ZNF384: variants seen among roughly 807,000 people sequenced by gnomAD.
ZNF384 encodes the protein CAG repeat protein 1.
ZNF384 carries 20 observed loss-of-function variants against 65.0 expected under a neutral mutation model. The ratio of observed to expected loss-of-function variants is 0.31; its 90% CI spans 0.22 to 0.45. The LOEUF is 0.45. ZNF384 is among the 20% of genes least tolerant of loss of function. The pLI is 1.00. For missense variants in ZNF384, 549 were observed against 769.4 expected, an observed-to-expected ratio of 0.71 and a Z score of 3.39; for synonymous variants, 310 against 303.9, an observed-to-expected ratio of 1.02 and a Z score of -0.21.
chr12:6,670,871 G>A, intron 9 of ZNF384, 33 bp from the exon 10 acceptor site: 2 of 1,595,170 alleles, frequency 1.3e-6, no homozygotes, highest in Non-Finnish European at 1.7e-6. Context: ...GGGAAAGAAT[G>A]TCAGCAAGAC....
At chr12:6,679,263 G>A (rs1954951104) in intron 3 of ZNF384, 80 bp from the exon 4 acceptor site, 1 of 1,365,406 alleles carries the variant, frequency 7.3e-7, no homozygotes, top group Non-Finnish European at 1.0e-6. Context: ...ACACTTCAGT[G>A]TCTGTCCTCC....
At chr12:6,675,115 T>C (rs1952998545) in intron 7 of ZNF384, among the ~76,000 whole-genome samples, 1 of 152,236 alleles carries the variant, frequency 6.6e-6, no homozygotes, top group Admixed American at 6.5e-5. Flanking sequence ...ATAACCCACT[T>C]AGTCAAAGTT....
chr12:6,669,646 A>G (rs568856522), intron 10 of ZNF384, among the ~76,000 whole-genome samples: 3 of 151,964 alleles, frequency 2.0e-5, no homozygotes, highest in Admixed American at 6.6e-5. Context: ...CTACAGGCAC[A>G]TGCCACCAGG....
chr12:6,688,103 C>A (rs979947308), intron 2 of ZNF384, 64 bp downstream of exon 2: 2 of 152,640 alleles, frequency 1.3e-5, no homozygotes, highest in African/African-American at 4.8e-5. Flanking sequence ...CACACACGCC[C>A]CATTTGGTTG....
upstream of ZNF384, chr12:6,689,492 G>T (rs1207677096): frequency 6.6e-6 from 1 of 152,464 alleles, no homozygotes; most frequent in Non-Finnish European, 1.5e-5. Flanking sequence ...AACGAAAAGG[G>T]GGGAGGGAGG....
chr12:6,679,347 C>T (rs902922493), intron 3 of ZNF384, 108 bp downstream of exon 3: 3 of 1,271,312 alleles, frequency 2.4e-6, no homozygotes, highest in Middle Eastern at 1.9e-4. Context: ...CTAGATAATT[C>T]TCAGGGGTGG....
intron 7 of ZNF384, among the ~76,000 whole-genome samples, chr12:6,676,604 G>GCCCTAC (rs1478316310): frequency 1.3e-5 from 2 of 152,204 alleles, no homozygotes. Flanking sequence ...GCTCTATAGA[G>GCCCTAC]TGTTAAAGGA....
At chr12:6,676,184 C>T (rs1233307845) in intron 7 of ZNF384, among the ~76,000 whole-genome samples, 1 of 152,102 alleles carries the variant, frequency 6.6e-6, no homozygotes, top group Non-Finnish European at 1.5e-5. Flanking sequence ...CCTATAGTCC[C>T]AGCTACTCGG....
In ZNF384 at chr12:6,673,564, G is replaced by T; in HGVS notation, c.780-124C>A. 1 of 705,818 alleles carries T rather than the reference G, an allele frequency of 1.4e-6. No homozygotes were observed. Among genetic ancestry groups the T allele is most frequent in the Non-Finnish European group, 2.4e-6 (1 of 420,370 alleles). 43.7% of individuals were successfully genotyped at this position (705,818 alleles called of 1,614,324 possible). On this transcript the variant is annotated intron_variant, in intron 7 of 11. Coordinates refer to ENST00000683879, the MANE Select transcript of ZNF384 (RefSeq NM_001385745.1). This position sits in a 1 kb window ranked among gnomAD's most constrained non-coding sequence, Gnocchi z 4.7. ...TCTCCTACTCCAACTTGAGAGTAGA[G>T]CTCTATATATTCATCTTTATGGCCT...
Position 6,672,303 on chromosome 12 carries a change from A to G in ZNF384, c.1187+47T>C. 6.4e-7 allele frequency: 1 copy of G among 1,568,816 alleles called. No individual in the cohort carries two copies. On this transcript the variant is annotated intron_variant, in intron 9 of 11. Transcript: ENST00000683879. This position sits in a 1 kb window ranked among gnomAD's most constrained non-coding sequence, Gnocchi z 4.4. Reference sequence around the variant, plus strand: ...GTGTGTGTCCGGGGCGGGGGTGGGGAGGGCATGCCAGCGGGGCGGGGTCAG... The same window carrying G: ...GTGTGTGTCCGGGGCGGGGGTGGGGGGGGCATGCCAGCGGGGCGGGGTCAG...
Position 6,667,649 on chromosome 12 carries a change from A to G in ZNF384, c.*65T>C. ...AGGAAGAAAAGGACTTTTCCCACCAAGAGTTGGAGAAAGAAGACACCAGGA... is the reference window on the plus strand; with the variant it reads ...AGGAAGAAAAGGACTTTTCCCACCAGGAGTTGGAGAAAGAAGACACCAGGA... On this transcript the variant is annotated 3_prime_UTR_variant, in exon 12 of 12. Transcript: ENST00000683879. 2.5e-6 allele frequency: 4 copies of G among 1,607,758 alleles called. No homozygotes were observed. The South Asian group carries it at 4.4e-5, about 18-fold the overall frequency.
Position 6,666,759 on chromosome 12 carries a change from T to C in ZNF384, c.*955A>G, listed in dbSNP as rs1949880960. ...AAAATTCTCAGAGATAATGCATTTA[T>C]AAACACAGAAATGGTTACAACAAAG... On this transcript the variant is annotated 3_prime_UTR_variant, in exon 12 of 12. Transcript: ENST00000683879. The C allele has an allele frequency of 5.8e-6, 1 of 171,428 alleles. No individual in the cohort carries two copies. Among genetic ancestry groups the C allele is most frequent in the African/African-American group, 2.4e-5 (1 of 41,828 alleles). 10.6% of individuals were successfully genotyped at this position (171,428 alleles called of 1,614,324 possible).
Position 6,667,820 on chromosome 12 carries a change from T to G in ZNF384, c.1721A>C (p.Gln574Pro). Residue 574 changes from glutamine (Q) to proline (P), a missense_variant, in exon 12 of 12, where the codon CAG becomes CCG. Gln to Pro is a moderately conservative substitution (Grantham distance 76). Coordinates refer to ENST00000683879, the MANE Select transcript of ZNF384 (RefSeq NM_001385745.1). ...GGDSNPNPPPQCSFDLTPYKT... is the reference protein window; with the variant it reads ...GGDSNPNPPPPCSFDLTPYKT... ...ATACGGGGTCAGGTCAAAGGAACACTGGGGTGGAGGGTTGGGATTGCTGTC... is the reference window on the plus strand; with the variant it reads ...ATACGGGGTCAGGTCAAAGGAACACGGGGGTGGAGGGTTGGGATTGCTGTC... 3.1e-6 allele frequency: 5 copies of G among 1,614,168 alleles called. No homozygotes were observed. Among genetic ancestry groups the G allele is most frequent in the Middle Eastern group, 1.7e-4 (1 of 6,058 alleles).
At chr12:6,686,726 A>G (rs1436701922) in intron 2 of ZNF384, among the ~76,000 whole-genome samples, 1 of 152,226 alleles carries the variant, frequency 6.6e-6, no homozygotes, top group African/African-American at 2.4e-5. Context: ...CAGCACAAAA[A>G]AGAGAAAGAA....
At chr12:6,682,856 G>A (rs1027261543) in intron 2 of ZNF384, among the ~76,000 whole-genome samples, 1 of 152,044 alleles carries the variant, frequency 6.6e-6, no homozygotes, top group African/African-American at 2.4e-5. Context: ...ATTGAACAAC[G>A]GTAGACTACC....
In ZNF384 at chr12:6,673,424, G is replaced by A. The variant is rs1320998460; in HGVS notation, c.796C>T (p.Leu266=). Residue 266 remains leucine (L), a synonymous_variant, in exon 8 of 12, where the codon CTG becomes TTG. Transcript: ENST00000683879. This position sits in a 1 kb window ranked among gnomAD's most constrained non-coding sequence, Gnocchi z 4.7. ...ATCTCCGACTTGGAGTAGAATGTCA[G>A]TGAGCACATCCGGCACCTGAGCCAA... ...LCDPGCRMCS[L]TFYSKSEMQI... The A allele has an allele frequency of 6.2e-7, 1 of 1,614,054 alleles. No homozygotes were observed. The highest frequency in any genetic ancestry group is 8.5e-7 in the Non-Finnish European group (1 of 1,180,016).
rs560854840 is a variant in ZNF384, at chr12:6,672,807, C to T, written c.1005-275G>A. On this transcript the variant is annotated intron_variant, in intron 8 of 11. Coordinates refer to ENST00000683879, the MANE Select transcript of ZNF384 (RefSeq NM_001385745.1). This position sits in a 1 kb window ranked among gnomAD's most constrained non-coding sequence, Gnocchi z 4.4. ...TAAAGTAGTCAATCTCATCAACCCT[C>T]CGCTTTCTCCTAAGGTTAACACACT... is the stretch of plus-strand genomic sequence containing the variant. Among the ~76,000 whole-genome samples, 17 of 152,286 alleles carry T rather than the reference C, an allele frequency of 1.1e-4. No homozygotes were observed. Among genetic ancestry groups the T allele is most frequent in the African/African-American group, 3.9e-4 (16 of 41,558 alleles).
chr12:6,684,045 C>T (rs1957071713), intron 2 of ZNF384, among the ~76,000 whole-genome samples: 1 of 152,104 alleles, frequency 6.6e-6, no homozygotes, highest in Non-Finnish European at 1.5e-5. Context: ...ACAATATCAC[C>T]ACTATCATTA....
At chr12:6,670,607 T>C (rs989661792) in intron 10 of ZNF384, among the ~76,000 whole-genome samples, 153 bp downstream of exon 10, 1 of 152,216 alleles carries the variant, frequency 6.6e-6, no homozygotes, top group Non-Finnish European at 1.5e-5. Flanking sequence ...AACGTCTATG[T>C]AGACAGCTAT....
Sources: allele counts gnomAD v4.1 joint callset (sites outside exome capture counted in the v4.1 genomes callset), GRCh38; gene constraint gnomAD v4.1.1; non-coding constraint Gnocchi (gnomAD v3.1); transcripts MANE v1.5; gene names NCBI Gene and HGNC (gene_info 2026-07-23, HGNC 2026-07-21).